Variants in NHSL1 observed in about 807,000 individuals in gnomAD.
NHSL1 encodes NHS like 1, also known as NHS-like protein 1.
Under a neutral mutation model 95.0 loss-of-function variants are expected in NHSL1, and 48 were observed. The observed-to-expected ratio is 0.51, with a 90% confidence interval of 0.40 to 0.64. The LOEUF is 0.64. Among genes scored for constraint, NHSL1 ranks in the 30% least tolerant of loss-of-function variants. NHSL1 has a pLI of 0.00. For missense variants in NHSL1, 1,971 were observed against 2,077.7 expected, an observed-to-expected ratio of 0.95 and a Z score of 1.00; for synonymous variants, 783 against 833.9, an observed-to-expected ratio of 0.94 and a Z score of 1.05.
In NHSL1 at chr6:138,489,985, G is replaced by GGAGA. The variant is rs145500008; in HGVS notation, c.211+6230_211+6233dup. Reference sequence around the variant, plus strand: ...GGGAGAGGGGGAGAGGGGGAGAGGGGGAGAGAGAGAGAGAGAGAGACAAAG... The same window carrying GGAGA: ...GGGAGAGGGGGAGAGGGGGAGAGGGGGAGAGAGAGAGAGAGAGAGAGAGACAAAG... On this transcript the variant is annotated intron_variant, in intron 2 of 7. Transcript: ENST00000343505. Among the ~76,000 whole-genome samples, 27 of 96,624 alleles carry GGAGA rather than the reference G, an allele frequency of 2.8e-4. No individual in the cohort carries two copies. In the East Asian group the frequency reaches 4.8e-3, roughly 17 times the overall value. The allele number at this position is 96,624 out of a possible 152,430, so 63.4% of individuals were successfully genotyped here.
intron 1 of NHSL1, among the ~76,000 whole-genome samples, chr6:138,628,893 T>G (rs1784779941): frequency 6.6e-6 from 1 of 152,236 alleles, no homozygotes; most frequent in African/African-American, 2.4e-5. Context: ...TGCACATAAC[T>G]GGGCATTTAG....
intron 5 of NHSL1, among the ~76,000 whole-genome samples, chr6:138,440,257 T>C (rs1776442905): frequency 6.6e-6 from 1 of 152,196 alleles, no homozygotes; most frequent in African/African-American, 2.4e-5. Flanking sequence ...TACAGATTAG[T>C]TTCCGAATTA....
At chr6:138,495,451 C>T (rs1780293551) in intron 2 of NHSL1, among the ~76,000 whole-genome samples, 1 of 152,136 alleles carries the variant, frequency 6.6e-6, no homozygotes, top group East Asian at 1.9e-4. Flanking sequence ...TACATAGGTC[C>T]TTTTTCCAGC....
intron 1 of NHSL1, among the ~76,000 whole-genome samples, chr6:138,682,520 C>A (rs1213622219): frequency 6.6e-6 from 1 of 152,132 alleles, no homozygotes; most frequent in African/African-American, 2.4e-5. Flanking sequence ...TCATTCTATT[C>A]CTTATTATTT....
intron 1 of NHSL1, among the ~76,000 whole-genome samples, chr6:138,652,160 G>A (rs1785100676): frequency 6.6e-6 from 1 of 152,024 alleles, no homozygotes; most frequent in African/African-American, 2.4e-5. Context: ...AGGTATGGCT[G>A]GCCAGGTGCA....
chr6:138,666,291 G>A lies in NHSL1; in HGVS notation c.96+26185C>T, dbSNP rs569750314. Reference sequence around the variant, plus strand: ...GTACTCCAGCCTGGACAACAAGGGCGAAACTCCGTCTCAAAAACAAAAACA... The same window carrying A: ...GTACTCCAGCCTGGACAACAAGGGCAAAACTCCGTCTCAAAAACAAAAACA... On this transcript the variant is annotated intron_variant, in intron 1 of 3. Transcript: ENST00000491526. Among the ~76,000 whole-genome samples, 7 of 151,458 alleles carry A rather than the reference G, an allele frequency of 4.6e-5. No homozygotes were observed. In the South Asian group the frequency reaches 1.0e-3, roughly 23 times the overall value.
chr6:138,427,539 G>A (rs994663658), intron 7 of NHSL1, among the ~76,000 whole-genome samples: 6 of 151,754 alleles, frequency 4.0e-5, no homozygotes, highest in African/African-American at 1.5e-4. Context: ...AAATCTAAAT[G>A]TACAAATTCT....
chr6:138,569,090 G>C (rs1783723170), intron 1 of NHSL1, among the ~76,000 whole-genome samples: 1 of 152,190 alleles, frequency 6.6e-6, no homozygotes, highest in Non-Finnish European at 1.5e-5. Flanking sequence ...AGTGTGGCCT[G>C]GCAGCAGCTG....
rs150628327 is a variant in NHSL1, at chr6:138,490,846, A to C, written c.211+5373T>G. 9.7e-3 allele frequency among the ~76,000 whole-genome samples: 1,478 copies of C among 152,166 alleles called. 15 individuals carry two copies. Among genetic ancestry groups the C allele is most frequent in the Admixed American group, 0.025 (386 of 15,290 alleles). On this transcript the variant is annotated intron_variant, in intron 2 of 7. Transcript: ENST00000343505. ...ACGGGGTTTCACCATGTTGGCCAGG[A>C]TGGTATCTATCTCCTGACCTCGTGA...
intron 1 of NHSL1, among the ~76,000 whole-genome samples, chr6:138,640,673 T>C (rs1481366659): frequency 2.0e-5 from 3 of 152,240 alleles, no homozygotes; most frequent in African/African-American, 7.2e-5. Flanking sequence ...CAATTGACTA[T>C]GTAATTGGTA....
intron 1 of NHSL1, among the ~76,000 whole-genome samples, chr6:138,594,330 G>A (rs1368165534): frequency 6.6e-6 from 1 of 152,116 alleles, no homozygotes; most frequent in Non-Finnish European, 1.5e-5. Flanking sequence ...ATGAAGCTAC[G>A]TAGAACTCAA....
chr6:138,558,900 T>A lies in NHSL1; in HGVS notation c.202+12810A>T, dbSNP rs182835150. ...CTACAAAAAAACAAAATAAAATAAA[T>A]TAGCCAGGCATGGCGGCAGGCCCCT... On this transcript the variant is annotated intron_variant, in intron 1 of 6. Transcript: ENST00000427025. 2.8e-4 allele frequency among the ~76,000 whole-genome samples: 42 copies of A among 152,102 alleles called. No individual in the cohort carries two copies. The East Asian group carries it at 4.3e-3, about 15-fold the overall frequency.
chr6:138,632,899 A>T (rs573779702), intron 1 of NHSL1, among the ~76,000 whole-genome samples: 1 of 152,206 alleles, frequency 6.6e-6, no homozygotes, highest in Admixed American at 6.5e-5. Flanking sequence ...GGAGAAAGAG[A>T]TATGTGACCT....
At chr6:138,561,078 C>T (rs1248130270) in intron 1 of NHSL1, among the ~76,000 whole-genome samples, 1 of 152,126 alleles carries the variant, frequency 6.6e-6, no homozygotes, top group Non-Finnish European at 1.5e-5. Flanking sequence ...TTTACTGTAC[C>T]ACTAAAATTA....
intron 1 of NHSL1, among the ~76,000 whole-genome samples, chr6:138,496,705 A>AC: frequency 6.6e-6 from 1 of 151,822 alleles, no homozygotes; most frequent in Non-Finnish European, 1.5e-5. Context: ...TTCCTACTTA[A>AC]CCCCCCTCGC....
chr6:138,514,096 C>T (rs1005226262), intron 1 of NHSL1, among the ~76,000 whole-genome samples: 22 of 151,852 alleles, frequency 1.4e-4, no homozygotes, highest in African/African-American at 4.6e-4. Context: ...GCGGGCGGAT[C>T]ACCTGAGGTC....
At chr6:138,678,921 G>A (rs187721619) in intron 1 of NHSL1, among the ~76,000 whole-genome samples, 5 of 152,212 alleles carry the variant, frequency 3.3e-5, no homozygotes, top group Non-Finnish European at 5.9e-5. Context: ...AAGTACTAAC[G>A]GCACTCAAAG....
At chr6:138,434,607 A>G (rs1775950582) in intron 5 of NHSL1, among the ~76,000 whole-genome samples, 1 of 152,194 alleles carries the variant, frequency 6.6e-6, no homozygotes, top group Non-Finnish European at 1.5e-5. Flanking sequence ...GTCAATCCTT[A>G]AGACAAATCG....
chr6:138,688,668 A>T (rs987375647), intron 1 of NHSL1, among the ~76,000 whole-genome samples: 2 of 151,908 alleles, frequency 1.3e-5, no homozygotes, highest in South Asian at 4.2e-4. Context: ...AAAATAAAAA[A>T]ATAGAAACAG....
Sources: gnomAD v4.1 joint callset for allele counts (sites outside exome capture counted in the v4.1 genomes callset) on GRCh38, gnomAD v4.1.1 for gene constraint, MANE v1.5 for transcripts, NCBI Gene and HGNC (gene_info 2026-07-23, HGNC 2026-07-21) for gene names.